RORB: variants seen among roughly 807,000 people sequenced by gnomAD.
The protein encoded by RORB is RAR related orphan receptor B.
In RORB, 6 loss-of-function variants were observed where a neutral mutation model predicts 59.1. That is an observed-to-expected ratio of 0.10 (90% CI 0.06 to 0.20). The LOEUF (loss-of-function observed/expected upper bound fraction) is 0.20. RORB is among the 10% of genes least tolerant of loss of function. The probability of loss-of-function intolerance (pLI) is 1.00; values close to 1 mark genes in which losing one functional copy is unlikely to be tolerated. For missense variants in RORB, 320 were observed against 560.5 expected (o/e 0.57, Z 4.33); for synonymous variants, 215 against 204.5 (o/e 1.05, Z -0.44).
chr9:74,691,518 T>A lies in RORB; in HGVS notation c.*5900T>A, dbSNP rs1824740652. The stretch of plus-strand genomic sequence containing the variant: ...GAAAACTGAGTATGTATTGTAGAAA[T>A]GTAGAGGAAAAATAAAAATATTTTT... On this transcript the variant is annotated 3_prime_UTR_variant, in exon 10 of 10. Transcript: ENST00000376896. 6.6e-6 allele frequency: 1 copy of A among 152,128 alleles called. No homozygotes were observed. Among genetic ancestry groups the A allele is most frequent in the African/African-American group, 2.4e-5 (1 of 41,436 alleles). The allele number at this position is 152,128 out of a possible 1,614,324, so 9.4% of individuals were successfully genotyped here. A position where few individuals can be genotyped will look rare whatever the true frequency, so the allele number is the denominator to read the frequency against.
intron 1 of RORB, among the ~76,000 whole-genome samples, chr9:74,602,383 C>T (rs891388884): frequency 2.6e-5 from 4 of 152,128 alleles, no homozygotes; most frequent in Non-Finnish European, 4.4e-5. Flanking sequence ...GTTAAAGATG[C>T]ATGCATGATA....
intron 1 of RORB, among the ~76,000 whole-genome samples, chr9:74,509,871 A>T (rs976575877): frequency 6.6e-6 from 1 of 152,146 alleles, no homozygotes; most frequent in Non-Finnish European, 1.5e-5. Context: ...AAAAAAAATT[A>T]CATTTGACAT....
At chr9:74,620,663 GCTTTCT>G in intron 1 of RORB, among the ~76,000 whole-genome samples, 1 of 152,202 alleles carries the variant, frequency 6.6e-6, no homozygotes. Context: ...GATCTTTCCT[GCTTTCT>G]CTTGTGGGCA....
intron 1 of RORB, among the ~76,000 whole-genome samples, chr9:74,530,019 G>A (rs1175156690): frequency 6.6e-6 from 1 of 151,992 alleles, no homozygotes; most frequent in Non-Finnish European, 1.5e-5. Flanking sequence ...AGATTCTGTG[G>A]TATAAATACC....
At chr9:74,503,540 C>G (rs531230939) in intron 1 of RORB, among the ~76,000 whole-genome samples, 2 of 151,816 alleles carry the variant, frequency 1.3e-5, no homozygotes, top group African/African-American at 2.4e-5. Context: ...GTACTAGAGT[C>G]GCATAAAAAA....
Position 74,689,951 on chromosome 9 carries a change from A to T in RORB, c.*4333A>T, listed in dbSNP as rs1824712261. 1 of 150,474 alleles carries T rather than the reference A, an allele frequency of 6.6e-6. No homozygotes were observed. 9.3% of individuals were successfully genotyped at this position (150,474 alleles called of 1,614,324 possible). ...AATTAGAAGAAATAATTTCTTCCTG[A>T]CTCTTTTTTTTTCTATAAACTTTTA... On this transcript the variant is annotated 3_prime_UTR_variant, in exon 10 of 10. Transcript: ENST00000376896.
At chr9:74,671,960 A>T in intron 9 of RORB, 59 bp downstream of exon 9, 1 of 889,328 alleles carries the variant, frequency 1.1e-6, no homozygotes, top group Non-Finnish European at 1.8e-6. Flanking sequence ...AGCAAAAAGG[A>T]CTGCTTATAA....
chr9:74,517,387 G>A (rs1386445911), intron 1 of RORB, among the ~76,000 whole-genome samples: 3 of 151,972 alleles, frequency 2.0e-5, no homozygotes, highest in African/African-American at 4.8e-5. Flanking sequence ...AACATCTTGT[G>A]GTCTAATTAA....
At chr9:74,616,207 T>C (rs950964449) in intron 1 of RORB, among the ~76,000 whole-genome samples, 3 of 152,276 alleles carry the variant, frequency 2.0e-5, no homozygotes, top group African/African-American at 7.2e-5. Flanking sequence ...TATCTCATAA[T>C]ATAGGCAAAT....
At chr9:74,508,814 A>G (rs1453819796) in intron 1 of RORB, among the ~76,000 whole-genome samples, 1 of 151,998 alleles carries the variant, frequency 6.6e-6, no homozygotes, top group Non-Finnish European at 1.5e-5. Flanking sequence ...ACTTGGTCAT[A>G]ATTATTTGTT....
At chr9:74,517,743 T>C (rs538512313) in intron 1 of RORB, among the ~76,000 whole-genome samples, 1 of 152,092 alleles carries the variant, frequency 6.6e-6, no homozygotes, top group Non-Finnish European at 1.5e-5. Flanking sequence ...AGAGAAATGA[T>C]CTTGGAAAAA....
intron 9 of RORB, among the ~76,000 whole-genome samples, chr9:74,681,758 A>G (rs1474131286): frequency 1.3e-5 from 2 of 152,304 alleles, no homozygotes; most frequent in South Asian, 2.1e-4. Context: ...CCTCTTATAC[A>G]TTTCATGTCA....
At position 74,630,377 on chromosome 9, in the gene RORB, T is replaced by G. The variant is rs770032972; in HGVS notation, c.93+10T>G. 5.8e-5 allele frequency: 93 copies of G among 1,606,142 alleles called. No homozygotes were observed. The South Asian group carries it at 1.0e-3, about 18-fold the overall frequency. ...ATGTGAAGGCTGCAAGGTATGGGACTTTCATACAGCACGGTTCTGTATTTG... is the reference window on the plus strand; with the variant it reads ...ATGTGAAGGCTGCAAGGTATGGGACGTTCATACAGCACGGTTCTGTATTTG... On this transcript the variant is annotated intron_variant, in intron 2 of 9. Coordinates refer to ENST00000376896, the MANE Select transcript of RORB (RefSeq NM_006914.4).
At chr9:74,606,794 A>G (rs1023867531) in intron 1 of RORB, among the ~76,000 whole-genome samples, 3 of 152,188 alleles carry the variant, frequency 2.0e-5, no homozygotes, top group Admixed American at 6.5e-5. Context: ...AAATGAGTAT[A>G]TGTTGTTGGT....
chr9:74,603,997 G>C (rs1050970984), intron 1 of RORB, among the ~76,000 whole-genome samples: 1 of 152,228 alleles, frequency 6.6e-6, no homozygotes, highest in Non-Finnish European at 1.5e-5. Flanking sequence ...GAACGGATCA[G>C]TGCAAGCTGG....
chr9:74,641,225 A>G (rs1823799708), intron 3 of RORB, among the ~76,000 whole-genome samples: 1 of 91,670 alleles, frequency 1.1e-5, no homozygotes, highest in African/African-American at 3.6e-5. Context: ...TCACATCCTA[A>G]AAAGGCAGTT....
At chr9:74,671,343 T>C (rs1824343286) in intron 8 of RORB, among the ~76,000 whole-genome samples, 1 of 152,188 alleles carries the variant, frequency 6.6e-6, no homozygotes, top group African/African-American at 2.4e-5. Flanking sequence ...AATTCTAACA[T>C]AGCTTCAGCT....
intron 1 of RORB, among the ~76,000 whole-genome samples, chr9:74,570,105 T>G (rs1056607168): frequency 6.6e-6 from 1 of 152,240 alleles, no homozygotes; most frequent in East Asian, 1.9e-4. Flanking sequence ...TTGGAGTGAA[T>G]AGAGAATAAT....
At chr9:74,506,885 A>G (rs1220679908) in intron 1 of RORB, among the ~76,000 whole-genome samples, 1 of 152,172 alleles carries the variant, frequency 6.6e-6, no homozygotes, top group Non-Finnish European at 1.5e-5. Context: ...CAATATCCAG[A>G]TAACATAGTG....
Sources: allele counts gnomAD v4.1 joint callset (sites outside exome capture counted in the v4.1 genomes callset), GRCh38; gene constraint gnomAD v4.1.1; transcripts MANE v1.5; gene names NCBI Gene and HGNC (gene_info 2026-07-23, HGNC 2026-07-21).